Variants in SYT7 observed in about 807,000 individuals in gnomAD.
SYT7 encodes the protein synaptotagmin-7.
A neutral mutation model predicts 75.1 loss-of-function variants in SYT7; 29 were observed. That is an observed-to-expected ratio of 0.39 (90% confidence interval 0.29 to 0.53). The LOEUF (loss-of-function observed/expected upper bound fraction) is 0.53. Ranked by LOEUF, SYT7 falls within the 20% of genes least tolerant of loss-of-function variation. SYT7 has a pLI of 0.77. For synonymous variants in SYT7, 376 were observed against 401.7 expected (o/e 0.94, Z 0.76); for missense variants, 693 against 953.2 (o/e 0.73, Z 3.59).
At chr11:61,571,566 G>A (rs1206613255) in intron 1 of SYT7, among the ~76,000 whole-genome samples, 1 of 152,180 alleles carries the variant, frequency 6.6e-6, no homozygotes, top group Admixed American at 6.5e-5. Flanking sequence ...TGGCTGGCAC[G>A]TCACATCCCG....
chr11:61,542,312 G>A lies in SYT7; in HGVS notation c.840C>T (p.Ser280=). Residue 280 remains serine (S), a synonymous_variant, in exon 6 of 13, where the codon TCC becomes TCT. Transcript: ENST00000539008. This position sits in a 1 kb window ranked among gnomAD's most constrained non-coding sequence, Gnocchi z 7.8. ...GQARQGTSAG[S]KYRAAGGRSR... The stretch of plus-strand genomic sequence containing the variant: ...TGCGGCCCCCTGCCGCCCGGTACTT[G>A]GAGCCGGCCGAGGTGCCCTGCCGAG... 6.5e-7 allele frequency: 1 copy of A among 1,533,392 alleles called. No individual in the cohort carries two copies. The highest frequency in any genetic ancestry group is 8.7e-7 in the Non-Finnish European group (1 of 1,145,670). 95.0% of individuals were successfully genotyped at this position (1,533,392 alleles called of 1,614,324 possible). A position where few individuals can be genotyped will look rare whatever the true frequency, so the allele number is the denominator to read the frequency against.
In SYT7 at chr11:61,524,814, C is replaced by G. The variant is rs758134768; in HGVS notation, c.1472-282G>C. On this transcript the variant is annotated intron_variant, in intron 9 of 12. Coordinates refer to ENST00000539008, the MANE Select transcript of SYT7 (RefSeq NM_001365809.2). This position sits in a 1 kb window ranked among gnomAD's most constrained non-coding sequence, Gnocchi z 4.1. ...TTAAAGTACTTGCCCAGACTCCCAG[C>G]TAGTAAAGAGTAGAACTGCGATCAT... 6.1e-6 allele frequency: 2 copies of G among 329,410 alleles called. No homozygotes were observed. The highest frequency in any genetic ancestry group is 4.3e-5 in the African/African-American group (2 of 46,120). The allele number at this position is 329,410 out of a possible 1,614,324, so 20.4% of individuals were successfully genotyped here. A position where few individuals can be genotyped will look rare whatever the true frequency, so the allele number is the denominator to read the frequency against.
At chr11:61,541,026 C>T (rs1056767280) in intron 6 of SYT7, 20 of 985,422 alleles carry the variant, frequency 2.0e-5, no homozygotes, top group Non-Finnish European at 1.9e-5. Flanking sequence ...ATGGGCCACT[C>T]GCACGGGTAT....
At chr11:61,579,239 G>A (rs1361088514) in intron 1 of SYT7, among the ~76,000 whole-genome samples, 1 of 152,210 alleles carries the variant, frequency 6.6e-6, no homozygotes, top group African/African-American at 2.4e-5. Flanking sequence ...CTAAGCTACT[G>A]GCTTCTAAGA....
At chr11:61,557,455 T>A (rs1036361987) in intron 1 of SYT7, among the ~76,000 whole-genome samples, 1 of 152,176 alleles carries the variant, frequency 6.6e-6, no homozygotes, top group South Asian at 2.1e-4. Flanking sequence ...GGCCCAGCAG[T>A]CACCCTCAGG....
rs1337663807 is a variant in SYT7 at position 61,518,673 on chromosome 11, G to A, written c.2015C>T (p.Ala672Val). The change falls in exon 13 of 13, where the codon GCC becomes GTC. Residue 672 changes from alanine (A) to valine (V), a missense_variant. By Grantham distance (64) the Ala-to-Val change is moderately conservative (BLOSUM62 0). Transcript: ENST00000539008. ...GEVKHWKDMI[A>V]RPRQPVAQWH... Reference sequence around the variant, plus strand: ...CTGGGCCACGGGCTGCCGGGGACGGGCAATCATGTCCTTCCAGTGCTTCAC... The same window carrying A: ...CTGGGCCACGGGCTGCCGGGGACGGACAATCATGTCCTTCCAGTGCTTCAC... 1.9e-6 allele frequency: 3 copies of A among 1,549,762 alleles called. No individual in the cohort carries two copies. Among genetic ancestry groups the A allele is most frequent in the Non-Finnish European group, 2.6e-6 (3 of 1,146,002 alleles).
intron 1 of SYT7, among the ~76,000 whole-genome samples, chr11:61,563,236 G>A (rs1024033257): frequency 6.6e-6 from 1 of 152,216 alleles, no homozygotes; most frequent in Non-Finnish European, 1.5e-5. Flanking sequence ...AGAGCAGTGG[G>A]ATATATTGTA....
At chr11:61,533,180 C>A (rs1476319187) in intron 7 of SYT7, 56 bp from the exon 8 acceptor site, 5 of 1,502,522 alleles carry the variant, frequency 3.3e-6, no homozygotes, top group African/African-American at 1.4e-5. Flanking sequence ...GCGTTGGGCA[C>A]CCCGGCCTGG....
In SYT7 at chr11:61,524,513, C is replaced by A; in HGVS notation, c.1491G>T (p.Val497=). Residue 497 remains valine (V), a synonymous_variant, in exon 10 of 13, where the codon GTG becomes GTT. Coordinates refer to ENST00000539008, the MANE Select transcript of SYT7 (RefSeq NM_001365809.2). The surrounding 1 kb of genome is among the most constrained non-coding windows in gnomAD (Gnocchi z 4.1). The stretch of plus-strand genomic sequence containing the variant: ...CTTGGAGGTAGAGGATCCTCTGCAC[C>A]ACCTTCTCATAGGGAAAACCTGGGG... ...FLFEGFPYEK[V]VQRILYLQVL... is the part of the protein sequence containing the mutation. 2 of 1,599,074 alleles carry A rather than the reference C, an allele frequency of 1.3e-6. No homozygotes were observed. The highest frequency in any genetic ancestry group is 1.7e-6 in the Non-Finnish European group (2 of 1,171,956).
chr11:61,557,430 A>G (rs1223286616), intron 1 of SYT7, among the ~76,000 whole-genome samples: 1 of 151,974 alleles, frequency 6.6e-6, no homozygotes, highest in Non-Finnish European at 1.5e-5. Flanking sequence ...TTGGCCATGG[A>G]GCCTGGTTGA....
chr11:61,556,254 C>T, intron 1 of SYT7, 47 bp from the exon 2 acceptor site: 1 of 1,514,826 alleles, frequency 6.6e-7, no homozygotes, highest in Non-Finnish European at 9.0e-7. Flanking sequence ...CAGGGCCTGC[C>T]ACCCTCCCTC....
intron 12 of SYT7, among the ~76,000 whole-genome samples, chr11:61,521,743 C>T (rs772560516): frequency 5.9e-5 from 9 of 152,236 alleles, no homozygotes; most frequent in Admixed American, 1.3e-4. Context: ...GTGCCCCTCA[C>T]TCACTCCTGG....
the SYT7 span, among the ~76,000 whole-genome samples, chr11:61,586,992 A>G: frequency 6.6e-6 from 1 of 152,174 alleles, no homozygotes; most frequent in Admixed American, 6.5e-5. Context: ...ATGCTTTTTG[A>G]TCCTCCGCTG....
rs1177632192 is a variant in SYT7, at chr11:61,547,324, G to A, written c.216-16C>T. Reference sequence around the variant, plus strand: ...GTCTAGATCACTGGAGGGGCAGAGAGAGAGGGGAGAAAACAGGGAGATACA... The same window carrying A: ...GTCTAGATCACTGGAGGGGCAGAGAAAGAGGGGAGAAAACAGGGAGATACA... On this transcript the variant is annotated splice_polypyrimidine_tract_variant and intron_variant, in intron 3 of 12. Transcript: ENST00000539008. 2.0e-6 allele frequency: 3 copies of A among 1,535,380 alleles called. No homozygotes were observed. In the East Asian group the frequency reaches 7.3e-5, roughly 38 times the overall value.
chr11:61,537,295 C>T (rs998033588), intron 7 of SYT7, among the ~76,000 whole-genome samples: 1 of 152,210 alleles, frequency 6.6e-6, no homozygotes, highest in African/African-American at 2.4e-5. Flanking sequence ...GCCGCCTGAA[C>T]CCTGGGACCT....
At chr11:61,541,450 G>A (rs1386787253) in intron 6 of SYT7, among the ~76,000 whole-genome samples, 1 of 151,818 alleles carries the variant, frequency 6.6e-6, no homozygotes, top group Non-Finnish European at 1.5e-5. Context: ...AGAGCAGGGG[G>A]TGGGCGAATG....
In SYT7 at chr11:61,576,234, C is replaced by A. The variant is rs994737277; in HGVS notation, c.31+4556G>T. Among the ~76,000 whole-genome samples, 12 of 152,218 alleles carry A rather than the reference C, an allele frequency of 7.9e-5. No individual in the cohort carries two copies. The highest frequency in any genetic ancestry group is 7.3e-5 in the Non-Finnish European group (5 of 68,038). On this transcript the variant is annotated intron_variant, in intron 1 of 12. Coordinates refer to ENST00000539008, the MANE Select transcript of SYT7 (RefSeq NM_001365809.2). This position sits in a 1 kb window ranked among gnomAD's most constrained non-coding sequence, Gnocchi z 4.1. ...AGTTGGACAGGGCCCAGCAGGGCTG[C>A]CCCTGCTGCCTGGAAGGTCAGGGAC...
At position 61,580,161 on chromosome 11, in the gene SYT7, A is replaced by C. The variant is rs1242611584; in HGVS notation, c.31+629T>G. On this transcript the variant is annotated intron_variant, in intron 1 of 12. Coordinates refer to ENST00000539008, the MANE Select transcript of SYT7 (RefSeq NM_001365809.2). The surrounding 1 kb of genome is among the most constrained non-coding windows in gnomAD (Gnocchi z 6.1). The stretch of plus-strand genomic sequence containing the variant: ...TTGCTTCCCCCTCCCCAAACCTAGG[A>C]GAACATTCTCTTGGCACCCCCATTC... Among the ~76,000 whole-genome samples, 1 of 149,778 alleles carries C rather than the reference A, an allele frequency of 6.7e-6. No homozygotes were observed. Among genetic ancestry groups the C allele is most frequent in the Non-Finnish European group, 1.5e-5 (1 of 67,430 alleles).
the SYT7 span, among the ~76,000 whole-genome samples, chr11:61,587,046 C>G: frequency 6.6e-6 from 1 of 152,186 alleles, no homozygotes; most frequent in Non-Finnish European, 1.5e-5. Flanking sequence ...TCCCCCCTCC[C>G]CCCACATGAT....
Sources: allele counts gnomAD v4.1 joint callset (sites outside exome capture counted in the v4.1 genomes callset), GRCh38; gene constraint gnomAD v4.1.1; non-coding constraint Gnocchi (gnomAD v3.1); transcripts MANE v1.5; gene names NCBI Gene and HGNC (gene_info 2026-07-23, HGNC 2026-07-21).